DIAPH2: variants seen among roughly 807,000 people sequenced by gnomAD.
DIAPH2 encodes the protein diaphanous related formin 2.
A neutral mutation model predicts 92.7 loss-of-function variants in DIAPH2; 35 were observed. The observed-to-expected ratio is 0.38, with a 90% CI of 0.29 to 0.50. The LOEUF (loss-of-function observed/expected upper bound fraction) is 0.50. Ranked by LOEUF, DIAPH2 falls within the 20% of genes least tolerant of loss-of-function variation. The pLI is 0.94. For synonymous variants in DIAPH2, 301 were observed against 280.4 expected (o/e 1.07, Z -0.73); for missense variants, 701 against 819.5 (o/e 0.86, Z 1.77).
intron 4 of DIAPH2, among the ~76,000 whole-genome samples, chrX:96,819,272 GATTAT>G (rs2147673776): frequency 8.9e-6 from 1 of 112,445 alleles, no homozygotes; most frequent in South Asian, 3.7e-4. Flanking sequence ...AAAAGTAACT[GATTAT>G]ATTTTTATTT....
At chrX:97,595,921 C>T (rs931513345) in intron 26 of DIAPH2, among the ~76,000 whole-genome samples, 4 of 112,028 alleles carry the variant, frequency 3.6e-5, no homozygotes, top group Admixed American at 9.4e-5. Context: ...CGTGAGCCAC[C>T]GCGCCTGACC....
chrX:97,191,742 G>C (rs917587049), intron 22 of DIAPH2, among the ~76,000 whole-genome samples: 2 of 111,585 alleles, frequency 1.8e-5, no homozygotes, highest in Admixed American at 1.9e-4. Flanking sequence ...CTTAATTTTT[G>C]ATTTCCATAA....
intron 18 of DIAPH2, among the ~76,000 whole-genome samples, chrX:97,074,095 CAAAATTCTTAG>C (rs2066687804): frequency 9.0e-6 from 1 of 111,689 alleles, no homozygotes; most frequent in East Asian, 2.8e-4. Context: ...AAAAAGAAAA[CAAAATTCTTAG>C]AAGTGTTCAA....
intron 17 of DIAPH2, among the ~76,000 whole-genome samples, chrX:97,033,534 TTATTTAAAGTCTCTG>T (rs1417242946): frequency 8.9e-6 from 1 of 111,849 alleles, no homozygotes; most frequent in Admixed American, 9.5e-5. Flanking sequence ...ATTTTATGAA[TTATTTAAAGTCTCTG>T]TATTTAAACA....
At chrX:97,399,531 A>T (rs772259575) in intron 25 of DIAPH2, among the ~76,000 whole-genome samples, 19 of 112,076 alleles carry the variant, frequency 1.7e-4, no homozygotes, top group Non-Finnish European at 2.8e-4. Context: ...CATTTTTATC[A>T]TTCTGCTGCA....
At chrX:97,021,535 C>A (rs1435198365) in intron 17 of DIAPH2, among the ~76,000 whole-genome samples, 2 of 111,772 alleles carry the variant, frequency 1.8e-5, no homozygotes, top group East Asian at 5.6e-4. Flanking sequence ...ATGTTGAGAG[C>A]TTCGAGTAAT....
At chrX:96,772,799 C>G (rs188599682) in intron 4 of DIAPH2, among the ~76,000 whole-genome samples, 1 of 112,660 alleles carries the variant, frequency 8.9e-6, no homozygotes, top group African/African-American at 3.2e-5. Flanking sequence ...TTTTAGTAAC[C>G]TGTCATGGTT....
chrX:96,722,396 C>T (rs1434878055), intron 1 of DIAPH2, among the ~76,000 whole-genome samples: 3 of 110,637 alleles, frequency 2.7e-5, no homozygotes, highest in African/African-American at 9.8e-5. Context: ...TTCATTCGTT[C>T]CCTCCTTCTC....
At chrX:96,869,806 C>T (rs1316592967) in intron 4 of DIAPH2, among the ~76,000 whole-genome samples, 1 of 110,421 alleles carries the variant, frequency 9.1e-6, no homozygotes, top group Non-Finnish European at 1.9e-5. Context: ...ATATACCAGA[C>T]CTTATGTTTG....
At chrX:97,048,189 C>T in intron 17 of DIAPH2, among the ~76,000 whole-genome samples, 2 of 111,001 alleles carry the variant, frequency 1.8e-5, no homozygotes, top group Middle Eastern at 9.3e-3. Flanking sequence ...CTCCTTCTCT[C>T]TTTCCCTCTT....
At chrX:97,258,246 G>C (rs5921718) in intron 23 of DIAPH2, among the ~76,000 whole-genome samples, 2,582 of 111,871 alleles carry the variant, frequency 0.023, 29 homozygotes, top group Middle Eastern at 0.042. Flanking sequence ...CTTTATGAAT[G>C]ATGACATTCT....
intron 1 of DIAPH2, among the ~76,000 whole-genome samples, chrX:96,725,294 G>C (rs1435352622): frequency 9.0e-6 from 1 of 111,449 alleles, no homozygotes; most frequent in African/African-American, 3.3e-5. Context: ...AACTATTTAA[G>C]GAACATTATG....
At chrX:97,025,478 C>T (rs2066326728) in intron 17 of DIAPH2, among the ~76,000 whole-genome samples, 1 of 109,579 alleles carries the variant, frequency 9.1e-6, no homozygotes, top group South Asian at 4.0e-4. Context: ...GGTGAAACCC[C>T]GTATCTACTA....
intron 26 of DIAPH2, among the ~76,000 whole-genome samples, chrX:97,480,127 G>A (rs1944585489): frequency 9.0e-6 from 1 of 111,695 alleles, no homozygotes; most frequent in African/African-American, 3.3e-5. Context: ...CTTTGAAAAT[G>A]TAATCAAGTT....
chrX:96,980,231 A>G (rs1415495971), intron 17 of DIAPH2, among the ~76,000 whole-genome samples: 1 of 111,375 alleles, frequency 9.0e-6, no homozygotes, highest in African/African-American at 3.3e-5. Flanking sequence ...TAAGGATAGT[A>G]AATGTAGGGG....
intron 26 of DIAPH2, among the ~76,000 whole-genome samples, chrX:97,578,495 T>C (rs1357110425): frequency 9.9e-6 from 1 of 101,348 alleles, no homozygotes; most frequent in African/African-American, 3.6e-5. Context: ...ACAAAGGACA[T>C]GAACTCATCA....
intron 4 of DIAPH2, among the ~76,000 whole-genome samples, chrX:96,769,638 T>C (rs1325713670): frequency 4.5e-5 from 5 of 111,456 alleles, no homozygotes; most frequent in African/African-American, 9.8e-5. Context: ...ATTTACCAGA[T>C]AAACAATCTG....
chrX:97,462,537 TA>T (rs1296114352), intron 26 of DIAPH2, among the ~76,000 whole-genome samples: 2 of 112,349 alleles, frequency 1.8e-5, no homozygotes, highest in Non-Finnish European at 3.8e-5. Context: ...TTTGCTGCTT[TA>T]AAAAATATTT....
chrX:97,413,536 G>C (rs755665022), intron 25 of DIAPH2, among the ~76,000 whole-genome samples: 29 of 111,168 alleles, frequency 2.6e-4, no homozygotes, highest in Non-Finnish European at 2.3e-4. Context: ...TCAACATAGT[G>C]TTGGAAGTTC....
Sources: allele counts gnomAD v4.1 joint callset (sites outside exome capture counted in the v4.1 genomes callset), GRCh38; gene constraint gnomAD v4.1.1; transcripts MANE v1.5; gene names NCBI Gene and HGNC (gene_info 2026-07-23, HGNC 2026-07-21).